ACOX2: variants seen among roughly 807,000 people sequenced by gnomAD.
ACOX2 encodes peroxisomal acyl-coenzyme A oxidase 2.
A neutral mutation model predicts 77.5 loss-of-function variants in ACOX2; 59 were observed. The observed-to-expected ratio is 0.76, with a 90% CI of 0.62 to 0.95. The LOEUF is 0.95. ACOX2 is among the 40% of genes least tolerant of loss of function. The probability of loss-of-function intolerance (pLI) is 0.00; values close to 1 mark genes in which losing one functional copy is unlikely to be tolerated. For missense variants in ACOX2, 837 were observed against 880.4 expected (o/e 0.95, Z 0.62); for synonymous variants, 317 against 340.1 (o/e 0.93, Z 0.75).
Position 58,530,588 on chromosome 3 carries a change from G to T in ACOX2, c.870C>A (p.Tyr290Ter). Residue 290 changes from tyrosine (Y) to a stop codon, truncating the protein, a stop_gained, in exon 8 of 15, where the codon TAC (tyrosine) becomes TAA (stop). Transcript: ENST00000302819. LOFTEE classifies it high-confidence loss of function. ...CCACCCGCACCACCACCATGGGAAG[G>T]TAGTTGCTCTGTGCTGTACCGAGTT... is the stretch of plus-strand genomic sequence containing the variant. ...YVKLGTAQSN[Y>*]LPMVVVRVEL... The T allele has an allele frequency of 6.2e-7, 1 of 1,614,248 alleles. No individual in the cohort carries two copies. Among genetic ancestry groups the T allele is most frequent in the Non-Finnish European group, 8.5e-7 (1 of 1,180,044 alleles).
At position 58,519,157 on chromosome 3, in the gene ACOX2, G is replaced by A. The variant is rs1190114202; in HGVS notation, c.1633-1734C>T. 6.6e-6 allele frequency among the ~76,000 whole-genome samples: 1 copy of A among 152,070 alleles called. No individual in the cohort carries two copies. Reference sequence around the variant, plus strand: ...CCAGCACTTTGGGAAGTTGAGGTGGGCGGACCACTTGAGGTCAGGAGTTCG... The same window carrying A: ...CCAGCACTTTGGGAAGTTGAGGTGGACGGACCACTTGAGGTCAGGAGTTCG... On this transcript the variant is annotated intron_variant, in intron 12 of 14. Transcript: ENST00000302819. This position sits in a 1 kb window ranked among gnomAD's most constrained non-coding sequence, Gnocchi z 5.0.
chr3:58,522,677 C>T lies in ACOX2; in HGVS notation c.1527-76G>A, dbSNP rs2063367245. On this transcript the variant is annotated intron_variant, in intron 11 of 14. Coordinates refer to ENST00000302819, the MANE Select transcript of ACOX2 (RefSeq NM_003500.4). The surrounding 1 kb of genome is among the most constrained non-coding windows in gnomAD (Gnocchi z 4.3). ...AACTGATGGGCTTCCTGTGGTCCCT[C>T]AGAAGTAGAAATAATGCCTGTTTAT... 1.3e-5 allele frequency: 17 copies of T among 1,306,580 alleles called. No individual in the cohort carries two copies. Among genetic ancestry groups the T allele is most frequent in the Non-Finnish European group, 1.9e-5 (17 of 903,008 alleles). 80.9% of individuals were successfully genotyped at this position (1,306,580 alleles called of 1,614,324 possible).
At position 58,531,434 on chromosome 3, in the gene ACOX2, C is replaced by A; in HGVS notation, c.704-68G>T. 2 of 1,436,876 alleles carry A rather than the reference C, an allele frequency of 1.4e-6. No homozygotes were observed. The highest frequency in any genetic ancestry group is 1.9e-6 in the Non-Finnish European group (2 of 1,028,204). 89.0% of individuals were successfully genotyped at this position (1,436,876 alleles called of 1,614,324 possible). A position where few individuals can be genotyped will look rare whatever the true frequency, so the allele number is the denominator to read the frequency against. ...TGCTTGCTATGTGGCAGGTATCATA[C>A]ACACATTCCAGGTCACAGCAGCCTG... On this transcript the variant is annotated intron_variant, in intron 6 of 14. Coordinates refer to ENST00000302819, the MANE Select transcript of ACOX2 (RefSeq NM_003500.4). This position sits in a 1 kb window ranked among gnomAD's most constrained non-coding sequence, Gnocchi z 5.8.
chr3:58,505,299 A>C lies in ACOX2; in HGVS notation c.1984-13T>G. 1 of 1,608,930 alleles carries C rather than the reference A, an allele frequency of 6.2e-7. No individual in the cohort carries two copies. The highest frequency in any genetic ancestry group is 8.5e-7 in the Non-Finnish European group (1 of 1,176,570). On this transcript the variant is annotated splice_polypyrimidine_tract_variant and intron_variant, in intron 14 of 14. Coordinates refer to ENST00000302819, the MANE Select transcript of ACOX2 (RefSeq NM_003500.4). This position sits in a 1 kb window ranked among gnomAD's most constrained non-coding sequence, Gnocchi z 4.4. ...AGGCAGGGTTCTCCTGTTTGTAGAAAGAAACGCATTATTAACACAGTACAT... is the reference window on the plus strand; with the variant it reads ...AGGCAGGGTTCTCCTGTTTGTAGAACGAAACGCATTATTAACACAGTACAT...
Position 58,526,758 on chromosome 3 carries a change from C to T in ACOX2, c.1156-102G>A. The T allele has an allele frequency of 7.7e-7, 1 of 1,292,042 alleles. No homozygotes were observed. Among genetic ancestry groups the T allele is most frequent in the Non-Finnish European group, 1.1e-6 (1 of 937,152 alleles). The allele number at this position is 1,292,042 out of a possible 1,614,324, so 80.0% of individuals were successfully genotyped here. The stretch of plus-strand genomic sequence containing the variant: ...GAGCATCTACTCATGCCCAGCTCAG[C>T]TCTGAGGTAAGAAGTGTTTCCTCTG... On this transcript the variant is annotated intron_variant, in intron 9 of 14. Transcript: ENST00000302819. The surrounding 1 kb of genome is among the most constrained non-coding windows in gnomAD (Gnocchi z 4.3).
Position 58,531,739 on chromosome 3 carries a change from A to G in ACOX2, c.657T>C (p.Ala219=). The change falls in exon 6 of 15, where the codon GCT becomes GCC. Residue 219 remains alanine, a synonymous_variant. Coordinates refer to ENST00000302819, the MANE Select transcript of ACOX2 (RefSeq NM_003500.4). The surrounding 1 kb of genome is among the most constrained non-coding windows in gnomAD (Gnocchi z 5.8). ...GAAGACTCCGGATTGGCACAATAAA[A>G]GCGTGCATGCCCCGCCTGGCTCCTG... is the stretch of plus-strand genomic sequence containing the variant. ...ICSGARRGMH[A]FIVPIRSLQD... is the part of the protein sequence containing the mutation. 1 of 1,614,194 alleles carries G rather than the reference A, an allele frequency of 6.2e-7. No individual in the cohort carries two copies. The highest frequency in any genetic ancestry group is 8.5e-7 in the Non-Finnish European group (1 of 1,180,028).
chr3:58,510,616 G>A (rs140181461), intron 13 of ACOX2, among the ~76,000 whole-genome samples: 1 of 93,814 alleles, frequency 1.1e-5, no homozygotes, highest in Non-Finnish European at 1.9e-5. Context: ...TTGGGCAACA[G>A]AGCAAGACTC....
At chr3:58,507,900 G>A (rs1673367571) in intron 14 of ACOX2, among the ~76,000 whole-genome samples, 1 of 152,132 alleles carries the variant, frequency 6.6e-6, no homozygotes, top group Admixed American at 6.5e-5. Flanking sequence ...CACCATGCTG[G>A]GTGTGAATGA....
chr3:58,534,805 C>T lies in ACOX2; in HGVS notation c.160+142G>A, dbSNP rs1025119070. ...TATTGACATGTGAAGATTGTCTTTA[C>T]AGTTCGAAGGAATGAATCTCTAACA... is the stretch of plus-strand genomic sequence containing the variant. On this transcript the variant is annotated intron_variant, in intron 2 of 14. Transcript: ENST00000302819. This position sits in a 1 kb window ranked among gnomAD's most constrained non-coding sequence, Gnocchi z 4.8. 7.7e-6 allele frequency: 11 copies of T among 1,430,378 alleles called. No homozygotes were observed. Among genetic ancestry groups the T allele is most frequent in the Middle Eastern group, 2.0e-4 (1 of 4,958 alleles). The allele number at this position is 1,430,378 out of a possible 1,614,324, so 88.6% of individuals were successfully genotyped here. A position where few individuals can be genotyped will look rare whatever the true frequency, so the allele number is the denominator to read the frequency against.
At position 58,515,212 on chromosome 3, in the gene ACOX2, G is replaced by A. The variant is rs1028977933; in HGVS notation, c.1850+1994C>T. ...ATTTTTGTATTTTTAGTAGAGACCG[G>A]GTTTCACCATGTTGGCCAGGCTGGC... On this transcript the variant is annotated intron_variant, in intron 13 of 14. Transcript: ENST00000302819. This position sits in a 1 kb window ranked among gnomAD's most constrained non-coding sequence, Gnocchi z 4.0. Among the ~76,000 whole-genome samples, 6 of 152,100 alleles carry A rather than the reference G, an allele frequency of 3.9e-5. No individual in the cohort carries two copies. Among genetic ancestry groups the A allele is most frequent in the African/African-American group, 1.4e-4 (6 of 41,440 alleles).
In ACOX2 at chr3:58,526,823, T is replaced by C; in HGVS notation, c.1156-167A>G. On this transcript the variant is annotated intron_variant, in intron 9 of 14. Transcript: ENST00000302819. The surrounding 1 kb of genome is among the most constrained non-coding windows in gnomAD (Gnocchi z 4.3). ...AATGAGAAGGCGGGTACTCAGCTTATGTGACTCACCCAGAGGCACACAATT... is the reference window on the plus strand; with the variant it reads ...AATGAGAAGGCGGGTACTCAGCTTACGTGACTCACCCAGAGGCACACAATT... The C allele has an allele frequency of 1.4e-6, 1 of 707,480 alleles. No homozygotes were observed. Among genetic ancestry groups the C allele is most frequent in the Non-Finnish European group, 2.3e-6 (1 of 436,662 alleles). 43.8% of individuals were successfully genotyped at this position (707,480 alleles called of 1,614,324 possible).
chr3:58,510,709 TACACACACACACACAC>T (rs60942766), intron 13 of ACOX2, among the ~76,000 whole-genome samples: 894 of 7,100 alleles, frequency 0.13, 56 homozygotes, highest in South Asian at 0.3. Flanking sequence ...TATATATATA[TACACACACACACACAC>T]ACACACACAC....
rs746163577 is a variant in ACOX2 at position 58,522,506 on chromosome 3, T to A, written c.1622A>T (p.Gln541Leu). The change falls in exon 12 of 15, where the codon CAG becomes CTG. Residue 541 changes from glutamine to leucine, a missense_variant. Physicochemically the swap from Gln to Leu is moderately radical, Grantham distance 113 (BLOSUM62 -2). Transcript: ENST00000302819. This position sits in a 1 kb window ranked among gnomAD's most constrained non-coding sequence, Gnocchi z 4.3. ...AWNQTTVIHL[Q>L]AAKVHCYYVT... ...CTGGCAGGCGCTCACCTTAGCAGCC[T>A]GGAGGTGTATGACAGTGGTCTGGTT... is the stretch of plus-strand genomic sequence containing the variant. The A allele has an allele frequency of 2.5e-6, 4 of 1,614,036 alleles. No homozygotes were observed. The East Asian group carries it at 8.9e-5, about 36-fold the overall frequency.
chr3:58,530,404 G>T, intron 8 of ACOX2, 62 bp downstream of exon 8: 1 of 1,573,354 alleles, frequency 6.4e-7, no homozygotes. Flanking sequence ...GGTGTCAGGG[G>T]GAGGCACTGT....
At chr3:58,520,821 T>TC (rs2063353203) in intron 12 of ACOX2, among the ~76,000 whole-genome samples, 1 of 151,960 alleles carries the variant, frequency 6.6e-6, no homozygotes, top group Non-Finnish European at 1.5e-5. Flanking sequence ...TCACCCTCCA[T>TC]CCCCCCAGAA....
In ACOX2 at chr3:58,515,235, G is replaced by T. The variant is rs1215528821; in HGVS notation, c.1850+1971C>A. Among the ~76,000 whole-genome samples the T allele has an allele frequency of 6.6e-6, 1 of 152,166 alleles. No homozygotes were observed. Among genetic ancestry groups the T allele is most frequent in the African/African-American group, 2.4e-5 (1 of 41,432 alleles). ...CGGGTTTCACCATGTTGGCCAGGCT[G>T]GCCTCGAACTCCTGACCTCAGGTGA... On this transcript the variant is annotated intron_variant, in intron 13 of 14. Coordinates refer to ENST00000302819, the MANE Select transcript of ACOX2 (RefSeq NM_003500.4). The surrounding 1 kb of genome is among the most constrained non-coding windows in gnomAD (Gnocchi z 4.0).
chr3:58,506,557 C>T (rs1240630300), intron 14 of ACOX2, among the ~76,000 whole-genome samples: 1 of 152,192 alleles, frequency 6.6e-6, no homozygotes, highest in East Asian at 1.9e-4. Context: ...CTTTGGGAGG[C>T]TGAGGCAGAC....
chr3:58,513,124 T>G (rs1324332226), intron 13 of ACOX2, among the ~76,000 whole-genome samples: 1 of 152,082 alleles, frequency 6.6e-6, no homozygotes, highest in African/African-American at 2.4e-5. Flanking sequence ...CTCCCCCTCC[T>G]CCCTACTGAC....
In ACOX2 at chr3:58,530,570, C is replaced by A. The variant is rs769303720; in HGVS notation, c.888G>T (p.Val296=). 6.2e-7 allele frequency: 1 copy of A among 1,614,134 alleles called. No individual in the cohort carries two copies. Among genetic ancestry groups the A allele is most frequent in the African/African-American group, 1.3e-5 (1 of 74,948 alleles). The change falls in exon 8 of 15, where the codon GTG becomes GTT. Residue 296 remains valine (V), a synonymous_variant. Coordinates refer to ENST00000302819, the MANE Select transcript of ACOX2 (RefSeq NM_003500.4). ...AQSNYLPMVV[V]RVELLSGEIL... is the part of the protein sequence containing the mutation. ...TCTCCCCTGACAGCAGCTCCACCCG[C>A]ACCACCACCATGGGAAGGTAGTTGC...
Sources: gnomAD v4.1 joint callset for allele counts (sites outside exome capture counted in the v4.1 genomes callset) on GRCh38, gnomAD v4.1.1 for gene constraint, Gnocchi (gnomAD v3.1) non-coding constraint, MANE v1.5 for transcripts, NCBI Gene and HGNC (gene_info 2026-07-23, HGNC 2026-07-21) for gene names.